Variants in PEAK1 observed in about 807,000 individuals in gnomAD.
The protein encoded by PEAK1 is inactive tyrosine-protein kinase PEAK1.
PEAK1 carries 54 observed loss-of-function variants against 124.7 expected under a neutral mutation model. That is an observed-to-expected ratio of 0.43 (90% CI 0.35 to 0.54). The LOEUF (loss-of-function observed/expected upper bound fraction) is 0.54, where lower values mean the gene tolerates loss of function less well. PEAK1 is among the 20% of genes least tolerant of loss of function. The pLI is 0.01. For synonymous variants in PEAK1, 719 were observed against 760.0 expected (o/e 0.95, Z 0.89); for missense variants, 2,046 against 2,134.5 (o/e 0.96, Z 0.82).
At chr15:77,303,945 G>A (rs1166254787) in intron 2 of PEAK1, among the ~76,000 whole-genome samples, 2 of 152,180 alleles carry the variant, frequency 1.3e-5, no homozygotes, top group Admixed American at 6.5e-5. Flanking sequence ...ACATCCAATT[G>A]TTCCAGCACC....
intron 2 of PEAK1, among the ~76,000 whole-genome samples, chr15:77,308,089 C>CGGCA (rs1366435880): frequency 6.6e-6 from 1 of 151,984 alleles, no homozygotes; most frequent in Non-Finnish European, 1.5e-5. Flanking sequence ...AGAATTAACA[C>CGGCA]GGCACAATTG....
chr15:77,228,359 A>G (rs768882080), intron 6 of PEAK1, among the ~76,000 whole-genome samples: 1 of 152,178 alleles, frequency 6.6e-6, no homozygotes, highest in African/African-American at 2.4e-5. Context: ...CTGGGTCCCT[A>G]TGGGTCATCA....
At chr15:77,357,925 C>A (rs1370482364) in intron 2 of PEAK1, among the ~76,000 whole-genome samples, 1 of 152,170 alleles carries the variant, frequency 6.6e-6, no homozygotes, top group African/African-American at 2.4e-5. Context: ...CCCCTCAAAT[C>A]CCGTATCTCA....
rs1474549398 is a variant in PEAK1 at position 77,171,440 on chromosome 15, CAT to C, written c.3137+7348_3137+7349del. ...TGCCAGGAACAAATGTTAAACACCA[CAT>C]GTTCTCACTCATATGTGGAAGCTTA... is the stretch of plus-strand genomic sequence containing the variant. On this transcript the variant is annotated intron_variant, in intron 7 of 9. Transcript: ENST00000682557. 1.1e-4 allele frequency among the ~76,000 whole-genome samples: 16 copies of C among 151,696 alleles called. 1 individual carries two copies. The South Asian group carries it at 3.3e-3, about 32-fold the overall frequency.
intron 1 of PEAK1, among the ~76,000 whole-genome samples, chr15:77,382,125 ATCTATC>A (rs978443065): frequency 6.6e-6 from 1 of 151,678 alleles, no homozygotes; most frequent in Non-Finnish European, 1.5e-5. Context: ...CCTCCTCTCT[ATCTATC>A]TCTATCTCTA....
intron 6 of PEAK1, chr15:77,204,966 G>T: frequency 5.3e-6 from 1 of 188,640 alleles, no homozygotes. Flanking sequence ...AGGGAAAAGG[G>T]GAACAAAGGG....
rs866648705 is a variant in PEAK1, at chr15:77,241,910, A to T, written c.-115+10457T>A. The stretch of plus-strand genomic sequence containing the variant: ...TAAAGATGTCAATTTTCTTCAAACT[A>T]ATCCGTAGATTTAATACAATTCCAA... On this transcript the variant is annotated intron_variant, in intron 6 of 9. Coordinates refer to ENST00000682557, the MANE Select transcript of PEAK1 (RefSeq NM_001385026.1). Among the ~76,000 whole-genome samples the T allele has an allele frequency of 2.0e-5, 3 of 152,072 alleles. No homozygotes were observed. The South Asian group carries it at 6.2e-4, about 31-fold the overall frequency.
chr15:77,122,623 C>A (rs1481929152), intron 9 of PEAK1, among the ~76,000 whole-genome samples: 1 of 152,174 alleles, frequency 6.6e-6, no homozygotes, highest in Non-Finnish European at 1.5e-5. Context: ...TTTACACAAA[C>A]ATCCAAAACC....
intron 2 of PEAK1, among the ~76,000 whole-genome samples, chr15:77,314,316 A>G (rs1224925465): frequency 6.6e-6 from 1 of 152,036 alleles, no homozygotes; most frequent in Non-Finnish European, 1.5e-5. Context: ...AATTCAGTTA[A>G]CCTATTTTGG....
chr15:77,302,987 G>C (rs572403602), intron 2 of PEAK1, among the ~76,000 whole-genome samples: 2 of 152,166 alleles, frequency 1.3e-5, no homozygotes, highest in East Asian at 3.9e-4. Flanking sequence ...CTCTAATTTT[G>C]CCTTTACCAG....
chr15:77,102,573 G>A (rs1444800437), exon 7 of PEAK1: 1 of 152,110 alleles, frequency 6.6e-6, no homozygotes, highest in Non-Finnish European at 1.5e-5. Context: ...ATTTGTATTA[G>A]CTTATAGTAT....
At chr15:77,357,130 G>A (rs1271061313) in intron 2 of PEAK1, among the ~76,000 whole-genome samples, 2 of 152,204 alleles carry the variant, frequency 1.3e-5, no homozygotes, top group South Asian at 2.1e-4. Flanking sequence ...CATCAGCAGC[G>A]CATGGTGGCA....
At chr15:77,258,726 C>T (rs2061293490) in intron 5 of PEAK1, among the ~76,000 whole-genome samples, 1 of 152,134 alleles carries the variant, frequency 6.6e-6, no homozygotes, top group Admixed American at 6.5e-5. Context: ...TTTCCTTCTC[C>T]TGCCTGATTG....
intron 6 of PEAK1, among the ~76,000 whole-genome samples, chr15:77,240,194 C>G (rs1037886274): frequency 1.3e-5 from 2 of 152,196 alleles, no homozygotes; most frequent in African/African-American, 4.8e-5. Context: ...TCATATGCCA[C>G]TTGGCAAAAC....
chr15:77,114,596 CA>C lies in PEAK1; in HGVS notation c.4800del (p.Tyr1600Ter). On this transcript the variant is annotated frameshift_variant, in exon 10 of 10. Transcript: ENST00000682557. LOFTEE classifies it high-confidence loss of function. ...CDEFQTGILIYEMLHLPNPFD... is the reference protein window; with the variant it reads ...CDEFQTGILIXEMLHLPNPFD... ...AAGGGGTTGGGTAGGTGCAGCATCT[CA>C]TAGATGAGGATGCCTGTCTGGAACT... 6.2e-7 allele frequency: 1 copy of C among 1,614,020 alleles called. No homozygotes were observed. The highest frequency in any genetic ancestry group is 8.5e-7 in the Non-Finnish European group (1 of 1,180,006).
At chr15:77,325,745 G>A (rs2065534130) in intron 2 of PEAK1, among the ~76,000 whole-genome samples, 2 of 152,056 alleles carry the variant, frequency 1.3e-5, no homozygotes. Flanking sequence ...ATTTAATGAT[G>A]ATTTTCTAAC....
At chr15:77,208,435 C>T (rs1174739878) in intron 6 of PEAK1, among the ~76,000 whole-genome samples, 1 of 152,124 alleles carries the variant, frequency 6.6e-6, no homozygotes, top group Non-Finnish European at 1.5e-5. Flanking sequence ...CTTGACCACT[C>T]CCTTGTCTAG....
At chr15:77,274,290 G>A (rs988332729) in intron 5 of PEAK1, among the ~76,000 whole-genome samples, 3 of 151,784 alleles carry the variant, frequency 2.0e-5, no homozygotes, top group African/African-American at 4.8e-5. Context: ...TTAATTAAAC[G>A]AAAAAGCTTC....
At chr15:77,318,636 TATA>T (rs2153012919) in intron 2 of PEAK1, among the ~76,000 whole-genome samples, 1 of 152,122 alleles carries the variant, frequency 6.6e-6, no homozygotes, top group East Asian at 1.9e-4. Context: ...ATTTATAAGT[TATA>T]ATTTATTAGT....
Sources: gnomAD v4.1 joint callset for allele counts (sites outside exome capture counted in the v4.1 genomes callset) on GRCh38, gnomAD v4.1.1 for gene constraint, MANE v1.5 for transcripts, NCBI Gene and HGNC (gene_info 2026-07-23, HGNC 2026-07-21) for gene names.